AEBP2: variants seen among roughly 807,000 people sequenced by gnomAD.
The protein encoded by AEBP2 is zinc finger protein AEBP2.
In AEBP2, 10 loss-of-function variants were observed where a neutral mutation model predicts 50.8. The observed-to-expected ratio is 0.20, with a 90% CI of 0.12 to 0.33. AEBP2 has a LOEUF of 0.33. Among genes scored for constraint, AEBP2 ranks in the 10% least tolerant of loss-of-function variants. The probability of loss-of-function intolerance (pLI) is 1.00; values close to 1 mark genes in which losing one functional copy is unlikely to be tolerated. For synonymous variants in AEBP2, 296 were observed against 261.3 expected (o/e 1.13, Z -1.28); for missense variants, 570 against 688.0 (o/e 0.83, Z 1.92).
upstream of AEBP2, among the ~76,000 whole-genome samples, chr12:19,438,418 T>C (rs1947883314): frequency 6.6e-6 from 1 of 152,254 alleles, no homozygotes; most frequent in Admixed American, 6.5e-5. Flanking sequence ...TCAACACTTA[T>C]ATCCATGGAA....
intron 1 of AEBP2, among the ~76,000 whole-genome samples, chr12:19,417,359 A>G (rs978680282): frequency 2.0e-5 from 3 of 152,134 alleles, no homozygotes; most frequent in African/African-American, 4.8e-5. Flanking sequence ...ATCATTCTGT[A>G]TATATTTCTT....
At chr12:19,477,336 T>C (rs563152168) in intron 3 of AEBP2, among the ~76,000 whole-genome samples, 9 of 152,304 alleles carry the variant, frequency 5.9e-5, no homozygotes, top group South Asian at 2.1e-4. Flanking sequence ...CTAGTACTTA[T>C]GTTGAATGGA....
intron 3 of AEBP2, among the ~76,000 whole-genome samples, chr12:19,483,993 T>G (rs1215678565): frequency 6.6e-6 from 1 of 152,150 alleles, no homozygotes; most frequent in Non-Finnish European, 1.5e-5. Context: ...AATGTTGGAG[T>G]GTCTCCAAGG....
chr12:19,512,277 C>G, intron 5 of AEBP2, 121 bp from the exon 6 acceptor site: 1 of 586,536 alleles, frequency 1.7e-6, no homozygotes, highest in South Asian at 2.5e-5. Flanking sequence ...GCCTTGGCCT[C>G]CCAAAGTGCT....
In AEBP2 at chr12:19,469,172, C is replaced by G. The variant is rs377731364; in HGVS notation, c.880-4076C>G. On this transcript the variant is annotated intron_variant, in intron 2 of 7. Transcript: ENST00000266508. ...AACTCCTGACCTCAAGTGATCCACT[C>G]ACCTCGGCCTCTCAGAGTGCTGGGA... Among the ~76,000 whole-genome samples the G allele has an allele frequency of 2.0e-5, 3 of 152,258 alleles. No homozygotes were observed. In the East Asian group the frequency reaches 5.8e-4, roughly 29 times the overall value.
chr12:19,459,929 AT>A (rs1026114583), intron 1 of AEBP2, among the ~76,000 whole-genome samples: 2 of 152,350 alleles, frequency 1.3e-5, no homozygotes, highest in African/African-American at 4.8e-5. Context: ...CTACAAAAAA[AT>A]AGAAAAATTA....
chr12:19,510,692 AAC>A (rs1030500378), intron 5 of AEBP2, among the ~76,000 whole-genome samples: 1 of 152,126 alleles, frequency 6.6e-6, no homozygotes, highest in African/African-American at 2.4e-5. Context: ...TCTTGAATAA[AAC>A]ACATTTAAAT....
intron 1 of AEBP2, among the ~76,000 whole-genome samples, chr12:19,426,944 G>A (rs536784026): frequency 6.6e-6 from 1 of 152,176 alleles, no homozygotes; most frequent in South Asian, 2.1e-4. Context: ...CTGTCTGTGA[G>A]GACGTTTCTG....
At chr12:19,413,238 C>A in intron 1 of AEBP2, 1 of 885,138 alleles carries the variant, frequency 1.1e-6, no homozygotes, top group South Asian at 1.3e-5. Context: ...TTGGATCAGT[C>A]GGCCGGGCCA....
rs1948297735 is a variant in AEBP2 at position 19,457,830 on chromosome 12, A to G, written c.672-4680A>G. Among the ~76,000 whole-genome samples the G allele has an allele frequency of 2.0e-5, 3 of 152,234 alleles. No individual in the cohort carries two copies. The South Asian group carries it at 6.2e-4, about 31-fold the overall frequency. ...GGACCTACCCTAAACCTGCTGAATC[A>G]GAATCTGCAGTTAATAATACTGAAT... On this transcript the variant is annotated intron_variant, in intron 1 of 7. Transcript: ENST00000266508.
intron 1 of AEBP2, chr12:19,446,151 T>A (rs11044564): frequency 1.3e-5 from 2 of 152,214 alleles, no homozygotes; most frequent in African/African-American, 4.8e-5. Flanking sequence ...GAATAGTTTG[T>A]ATTTGTGAAA....
chr12:19,492,590 A>C (rs970587484), intron 3 of AEBP2, among the ~76,000 whole-genome samples: 1 of 151,974 alleles, frequency 6.6e-6, no homozygotes, highest in Non-Finnish European at 1.5e-5. Flanking sequence ...AAAAAACAAA[A>C]TAAAATAAAA....
chr12:19,514,932 G>T (rs1949297513), intron 7 of AEBP2, 148 bp downstream of exon 7: 2 of 631,328 alleles, frequency 3.2e-6, no homozygotes, highest in South Asian at 2.0e-5. Flanking sequence ...TTTGGATGTG[G>T]ACTCACAAAG....
At chr12:19,450,513 C>G (rs191207432) in intron 1 of AEBP2, among the ~76,000 whole-genome samples, 2 of 142,326 alleles carry the variant, frequency 1.4e-5, no homozygotes, top group Non-Finnish European at 3.0e-5. Flanking sequence ...GTGTGCTACA[C>G]TAGATAAAAG....
At chr12:19,491,206 A>G (rs1443089934) in intron 3 of AEBP2, among the ~76,000 whole-genome samples, 1 of 152,140 alleles carries the variant, frequency 6.6e-6, no homozygotes, top group East Asian at 1.9e-4. Flanking sequence ...ATGTGTGGTA[A>G]AATTTTAAAT....
chr12:19,460,849 T>G, intron 1 of AEBP2, among the ~76,000 whole-genome samples: 1 of 151,850 alleles, frequency 6.6e-6, no homozygotes, highest in East Asian at 1.9e-4. Flanking sequence ...AGAGACAGGG[T>G]TTCACCATGT....
intron 1 of AEBP2, chr12:19,456,867 A>G (rs1479266856): frequency 1.3e-5 from 19 of 1,507,176 alleles, no homozygotes; most frequent in African/African-American, 2.8e-5. Context: ...AATACCACCA[A>G]TTTTTGTAGA....
intron 2 of AEBP2, among the ~76,000 whole-genome samples, chr12:19,463,243 A>G (rs1330436619): frequency 6.6e-6 from 1 of 152,196 alleles, no homozygotes; most frequent in African/African-American, 2.4e-5. Context: ...GTTAGTATTG[A>G]CCTATATGTC....
At chr12:19,479,716 G>GTT (rs1565723172) in intron 3 of AEBP2, among the ~76,000 whole-genome samples, 12 of 29,918 alleles carry the variant, frequency 4.0e-4, no homozygotes, top group South Asian at 8.8e-4. Flanking sequence ...CCTCTTTGTG[G>GTT]GTTTTTTTTT....
Sources: gnomAD v4.1 joint callset for allele counts (sites outside exome capture counted in the v4.1 genomes callset) on GRCh38, gnomAD v4.1.1 for gene constraint, MANE v1.5 for transcripts, NCBI Gene and HGNC (gene_info 2026-07-23, HGNC 2026-07-21) for gene names.